PRUNE2: variants seen among roughly 807,000 people sequenced by gnomAD.
PRUNE2 encodes prune homolog 2 with BCH domain, also known as protein prune homolog 2.
In PRUNE2, 164 loss-of-function variants were observed where a neutral mutation model predicts 252.0. The observed-to-expected ratio is 0.65, with a 90% CI of 0.57 to 0.74. PRUNE2 has a LOEUF of 0.74. Among genes scored for constraint, PRUNE2 ranks in the 30% least tolerant of loss-of-function variants. The pLI, the probability that PRUNE2 is intolerant of heterozygous loss-of-function variation, is 0.00. For synonymous variants in PRUNE2, 1,292 were observed against 1,350.2 expected, an observed-to-expected ratio of 0.96 and a Z score of 0.94; for missense variants, 3,495 against 3,711.0, an observed-to-expected ratio of 0.94 and a Z score of 1.51.
intron 6 of PRUNE2, among the ~76,000 whole-genome samples, chr9:76,804,136 C>A (rs1176430314): frequency 6.6e-6 from 1 of 151,588 alleles, no homozygotes; most frequent in African/African-American, 2.4e-5. Flanking sequence ...GCAGGCTGCT[C>A]AGGACAGCCA....
At chr9:76,858,732 A>G (rs1212504854) in intron 1 of PRUNE2, among the ~76,000 whole-genome samples, 1 of 151,492 alleles carries the variant, frequency 6.6e-6, no homozygotes, top group Admixed American at 6.6e-5. Flanking sequence ...TGTTCTGCAC[A>G]TGTATCCCAG....
At chr9:76,655,734 T>C (rs976762815) in intron 9 of PRUNE2, among the ~76,000 whole-genome samples, 1 of 152,066 alleles carries the variant, frequency 6.6e-6, no homozygotes, top group African/African-American at 2.4e-5. Context: ...TTCTGCTAGC[T>C]CACTTAATAA....
intron 4 of PRUNE2, among the ~76,000 whole-genome samples, chr9:76,828,874 A>C (rs1012216272): frequency 1.3e-5 from 2 of 151,980 alleles, no homozygotes; most frequent in South Asian, 2.1e-4. Flanking sequence ...AAAATGAGCC[A>C]GGAGCGGTGG....
chr9:76,883,989 T>G (rs2061942479), intron 1 of PRUNE2, among the ~76,000 whole-genome samples: 1 of 152,180 alleles, frequency 6.6e-6, no homozygotes, highest in Non-Finnish European at 1.5e-5. Flanking sequence ...TGGTAGCAAT[T>G]ATCACTGAGA....
At chr9:76,675,143 G>T (rs887628123) in intron 9 of PRUNE2, among the ~76,000 whole-genome samples, 1 of 103,054 alleles carries the variant, frequency 9.7e-6, no homozygotes. Context: ...CAAAATGGGT[G>T]AAAATTTTCG....
At chr9:76,679,927 A>C (rs1330362369) in intron 9 of PRUNE2, among the ~76,000 whole-genome samples, 1 of 152,246 alleles carries the variant, frequency 6.6e-6, no homozygotes, top group African/African-American at 2.4e-5. Context: ...AACATAGAAG[A>C]AAAACTTCAT....
chr9:76,836,272 C>T (rs116707232), intron 4 of PRUNE2, among the ~76,000 whole-genome samples: 1,956 of 151,036 alleles, frequency 0.013, 15 homozygotes, highest in African/African-American at 0.024. Context: ...TTGGCACAAA[C>T]CCAGGGCATA....
intron 9 of PRUNE2, among the ~76,000 whole-genome samples, chr9:76,678,673 C>CA (rs1346554878): frequency 1.3e-5 from 2 of 151,420 alleles, no homozygotes; most frequent in Admixed American, 6.6e-5. Flanking sequence ...ACTAAAAATA[C>CA]AAAAAATTAG....
chr9:76,661,911 G>T (rs551869897), intron 9 of PRUNE2, among the ~76,000 whole-genome samples: 93 of 150,836 alleles, frequency 6.2e-4, no homozygotes, highest in African/African-American at 2.1e-3. Flanking sequence ...CTTACCATAC[G>T]TGATGTCTCA....
chr9:76,768,583 ATGTGTGTGTGTGTGTGTGTGTGTG>A (rs55793596), intron 6 of PRUNE2, among the ~76,000 whole-genome samples: 26 of 103,356 alleles, frequency 2.5e-4, no homozygotes, highest in African/African-American at 8.1e-4. Context: ...ATGTATATGT[ATGTGTGTGTGTGTGTGTGTGTGTG>A]TGTGTGTGTG....
chr9:76,808,664 A>G (rs1020269772), intron 6 of PRUNE2: 2 of 152,320 alleles, frequency 1.3e-5, no homozygotes, highest in African/African-American at 2.4e-5. Context: ...GGATCAAGAG[A>G]CAAAGACTCC....
intron 6 of PRUNE2, among the ~76,000 whole-genome samples, chr9:76,781,416 C>T (rs933747907): frequency 2.6e-5 from 4 of 152,150 alleles, no homozygotes; most frequent in Admixed American, 6.5e-5. Flanking sequence ...CTGAATGTGC[C>T]GACCTATTTC....
chr9:76,848,002 G>A (rs1000273650), intron 3 of PRUNE2, among the ~76,000 whole-genome samples: 3 of 152,256 alleles, frequency 2.0e-5, no homozygotes, highest in Admixed American at 1.3e-4. Flanking sequence ...GGTGGCTCAC[G>A]CCTGTAATCC....
chr9:76,623,892 A>G (rs2132107095), intron 17 of PRUNE2, among the ~76,000 whole-genome samples: 1 of 152,320 alleles, frequency 6.6e-6, no homozygotes, highest in South Asian at 2.1e-4. Context: ...TTTGCATGAG[A>G]GTTGTAATTT....
intron 6 of PRUNE2, among the ~76,000 whole-genome samples, chr9:76,794,417 T>A (rs1170773803): frequency 6.6e-6 from 1 of 151,354 alleles, no homozygotes; most frequent in East Asian, 1.9e-4. Flanking sequence ...GAGATCGAGG[T>A]CATCCTGGCC....
intron 6 of PRUNE2, among the ~76,000 whole-genome samples, chr9:76,804,015 G>A (rs2056754132): frequency 6.6e-6 from 1 of 152,046 alleles, no homozygotes; most frequent in African/African-American, 2.4e-5. Flanking sequence ...GAACTGCATT[G>A]TGTTCACTCT....
chr9:76,877,755 T>C (rs748896564), intron 1 of PRUNE2, among the ~76,000 whole-genome samples: 3 of 152,238 alleles, frequency 2.0e-5, no homozygotes, highest in African/African-American at 4.8e-5. Flanking sequence ...CTCTGGGTTA[T>C]AAATAATGCA....
At chr9:76,725,379 T>C (rs1054268252) in intron 6 of PRUNE2, among the ~76,000 whole-genome samples, 5 of 152,194 alleles carry the variant, frequency 3.3e-5, no homozygotes, top group African/African-American at 1.2e-4. Flanking sequence ...TTTGGCTCAA[T>C]GAAAGTGTCA....
chr9:76,884,399 T>C (rs2061970742), intron 1 of PRUNE2, among the ~76,000 whole-genome samples: 1 of 152,210 alleles, frequency 6.6e-6, no homozygotes, highest in Non-Finnish European at 1.5e-5. Flanking sequence ...CATTTAATCT[T>C]CACAACAAAC....
Sources: gnomAD v4.1 joint callset for allele counts (sites outside exome capture counted in the v4.1 genomes callset) on GRCh38, gnomAD v4.1.1 for gene constraint, MANE v1.5 for transcripts, NCBI Gene and HGNC (gene_info 2026-07-23, HGNC 2026-07-21) for gene names.